Variants in ADAMTSL1 observed in about 807,000 individuals in gnomAD.
ADAMTSL1 encodes the protein ADAMTS like 1.
ADAMTSL1 carries 126 observed loss-of-function variants against 201.8 expected under a neutral mutation model. The observed-to-expected ratio is 0.62, with a 90% CI of 0.54 to 0.72. The LOEUF is 0.72. ADAMTSL1 is among the 30% of genes least tolerant of loss of function. The pLI is 0.00. For synonymous variants in ADAMTSL1, 1,121 were observed against 903.4 expected (o/e 1.24, Z -4.32); for missense variants, 2,679 against 2,277.8 (o/e 1.18, Z -3.59).
At chr9:18,475,180 C>A (rs182891884) in intron 1 of ADAMTSL1, among the ~76,000 whole-genome samples, 1 of 152,272 alleles carries the variant, frequency 6.6e-6, no homozygotes, top group Non-Finnish European at 1.5e-5. Context: ...CACACTGATC[C>A]AAACAAATGT....
rs367643834 is a variant in ADAMTSL1 at position 18,258,758 on chromosome 9, G to T, written c.207+94777G>T. Among the ~76,000 whole-genome samples the T allele has an allele frequency of 1.1e-4, 17 of 152,278 alleles. No individual in the cohort carries two copies. The East Asian group carries it at 2.7e-3, about 24-fold the overall frequency. On this transcript the variant is annotated intron_variant, in intron 2 of 29. Transcript: ENST00000680146. ...CCAACAAAGCCTGCAAATTCTGCCTGGTCCCTCACACACCAGGTTGTCTCT... is the reference window on the plus strand; with the variant it reads ...CCAACAAAGCCTGCAAATTCTGCCTTGTCCCTCACACACCAGGTTGTCTCT...
In ADAMTSL1 at chr9:18,215,145, A is replaced by G. The variant is rs974782979; in HGVS notation, c.207+51164A>G. Among the ~76,000 whole-genome samples the G allele has an allele frequency of 4.6e-5, 7 of 152,312 alleles. No individual in the cohort carries two copies. In the East Asian group the frequency reaches 1.3e-3, roughly 29 times the overall value. ...ACATTTTGTATAGCCAATATAGTTT[A>G]TCATTTATGATTATGTTATATTTGA... On this transcript the variant is annotated intron_variant, in intron 2 of 29. Coordinates refer to the ADAMTSL1 transcript ENST00000680146.
chr9:18,025,689 G>A (rs183786861), intron 1 of ADAMTSL1, among the ~76,000 whole-genome samples: 1 of 152,168 alleles, frequency 6.6e-6, no homozygotes, highest in African/African-American at 2.4e-5. Flanking sequence ...GTAATGTGAT[G>A]CCTCTAGCTT....
chr9:18,786,408 T>C (rs1821708512), intron 19 of ADAMTSL1, among the ~76,000 whole-genome samples: 1 of 152,226 alleles, frequency 6.6e-6, no homozygotes, highest in Non-Finnish European at 1.5e-5. Flanking sequence ...TTGGCACAAA[T>C]CCCAGTTCTG....
rs543124310 is a variant in ADAMTSL1 at position 18,442,610 on chromosome 9, G to A, written c.208-62219G>A. On this transcript the variant is annotated intron_variant, in intron 2 of 29. Coordinates refer to the ADAMTSL1 transcript ENST00000680146. ...TTAATATTTATTGAGTCTCTCAAAT[G>A]TGCTAGATATTTGCTTTTATAGTCT... Among the ~76,000 whole-genome samples, 6 of 152,304 alleles carry A rather than the reference G, an allele frequency of 3.9e-5. No individual in the cohort carries two copies. The South Asian group carries it at 1.2e-3, about 32-fold the overall frequency.
intron 1 of ADAMTSL1, among the ~76,000 whole-genome samples, chr9:18,102,638 A>G (rs1207100310): frequency 1.3e-5 from 2 of 152,174 alleles, no homozygotes; most frequent in African/African-American, 4.8e-5. Context: ...CAACAATCCA[A>G]CAGGAGGGCT....
chr9:18,030,091 T>A (rs1196906436), intron 1 of ADAMTSL1, among the ~76,000 whole-genome samples: 38 of 152,194 alleles, frequency 2.5e-4, no homozygotes. Flanking sequence ...TAAAGACACA[T>A]GCACACATAT....
At chr9:18,721,472 C>G (rs1229522566) in intron 14 of ADAMTSL1, 64 bp from the exon 15 acceptor site, 2 of 1,588,236 alleles carry the variant, frequency 1.3e-6, no homozygotes, top group Non-Finnish European at 1.7e-6. Flanking sequence ...CTTGTCTACA[C>G]TTCATCACCC....
At chr9:18,473,275 G>A (rs192583812), upstream of ADAMTSL1, among the ~76,000 whole-genome samples, 71 of 152,226 alleles carry the variant, frequency 4.7e-4, no homozygotes, top group Non-Finnish European at 7.1e-4. Flanking sequence ...TTTCTCTCCC[G>A]TGGCTAAAAT....
At chr9:18,574,595 T>TTGTGTGTGTGTGTG (rs10650608) in intron 4 of ADAMTSL1, 55 of 339,932 alleles carry the variant, frequency 1.6e-4, no homozygotes, top group Admixed American at 1.7e-4. Context: ...GTGTTTGTGT[T>TTGTGTGTGTGTGTG]TGTGTGTGTG....
intron 23 of ADAMTSL1, among the ~76,000 whole-genome samples, chr9:18,849,200 G>A (rs958484016): frequency 6.6e-6 from 1 of 152,096 alleles, no homozygotes; most frequent in African/African-American, 2.4e-5. Flanking sequence ...ATTTAAAACA[G>A]GACTAGGTGG....
rs2131804420 is a variant in ADAMTSL1 at position 18,088,364 on chromosome 9, T to C, written c.88-75498T>C. 2.0e-5 allele frequency among the ~76,000 whole-genome samples: 3 copies of C among 152,288 alleles called. 1 individual carries two copies. In the South Asian group the frequency reaches 6.2e-4, roughly 32 times the overall value. On this transcript the variant is annotated intron_variant, in intron 1 of 29. Coordinates refer to the ADAMTSL1 transcript ENST00000680146. ...GTGACTTCATGGATAAGATACTAAATGCACAGGCAGCAAAAGCAAAATTAG... is the reference window on the plus strand; with the variant it reads ...GTGACTTCATGGATAAGATACTAAACGCACAGGCAGCAAAAGCAAAATTAG...
chr9:17,922,572 C>A (rs1257897794), intron 1 of ADAMTSL1, among the ~76,000 whole-genome samples: 1 of 152,102 alleles, frequency 6.6e-6, no homozygotes, highest in East Asian at 1.9e-4. Context: ...AGGATTCAGA[C>A]ACATTTTGAC....
At position 18,688,034 on chromosome 9, in the gene ADAMTSL1, A is replaced by C. The variant is rs147625954; in HGVS notation, c.1574+3234A>C. ...TCTACATGTTGATTTTTTTTCCCTCAACAACAGATTGGTTTGTTATGACAC... is the reference window on the plus strand; with the variant it reads ...TCTACATGTTGATTTTTTTTCCCTCCACAACAGATTGGTTTGTTATGACAC... On this transcript the variant is annotated intron_variant, in intron 13 of 28. Transcript: ENST00000380548. Among the ~76,000 whole-genome samples the C allele has an allele frequency of 2.2e-3, 340 of 151,916 alleles. 1 individual carries two copies. The highest frequency in any genetic ancestry group is 7.8e-3 in the African/African-American group (325 of 41,422).
chr9:18,240,415 G>A (rs1232158909), intron 2 of ADAMTSL1, among the ~76,000 whole-genome samples: 2 of 150,996 alleles, frequency 1.3e-5, no homozygotes, highest in Non-Finnish European at 2.9e-5. Flanking sequence ...ATAAATAGAT[G>A]AGCTGTCATC....
At chr9:18,770,487 T>C in intron 16 of ADAMTSL1, 115 bp from the exon 17 acceptor site, 4 of 1,125,414 alleles carry the variant, frequency 3.6e-6, no homozygotes, top group Non-Finnish European at 3.7e-6. Flanking sequence ...GTTTTTCTTC[T>C]TCTTCTGGAT....
intron 2 of ADAMTSL1, among the ~76,000 whole-genome samples, chr9:18,241,345 A>G (rs1348974266): frequency 6.6e-6 from 1 of 152,084 alleles, no homozygotes; most frequent in Non-Finnish European, 1.5e-5. Flanking sequence ...GCCTCTGTAG[A>G]ACCCTTTCTG....
chr9:17,922,560 A>G (rs902122566), intron 1 of ADAMTSL1, among the ~76,000 whole-genome samples: 10 of 152,068 alleles, frequency 6.6e-5, no homozygotes, highest in African/African-American at 2.4e-4. Flanking sequence ...ACATAACCAC[A>G]GAGGATTCAG....
intron 19 of ADAMTSL1, among the ~76,000 whole-genome samples, chr9:18,787,627 A>G (rs1449896393): frequency 6.6e-6 from 1 of 152,178 alleles, no homozygotes; most frequent in South Asian, 2.1e-4. Flanking sequence ...TAAAGGGCCA[A>G]ATAGTAAACA....
Sources: allele counts gnomAD v4.1 joint callset (sites outside exome capture counted in the v4.1 genomes callset), GRCh38; gene constraint gnomAD v4.1.1; transcripts MANE v1.5; gene names NCBI Gene and HGNC (gene_info 2026-07-23, HGNC 2026-07-21).